Variants in SIPA1L1 observed in about 807,000 individuals in gnomAD.
The protein encoded by SIPA1L1 is signal-induced proliferation-associated 1-like protein 1.
SIPA1L1 carries 26 observed loss-of-function variants against 162.7 expected under a neutral mutation model. That is an observed-to-expected ratio of 0.16 (90% CI 0.12 to 0.22). The LOEUF (loss-of-function observed/expected upper bound fraction) is 0.22, where lower values mean the gene tolerates loss of function less well. Ranked by LOEUF, SIPA1L1 falls within the 10% of genes least tolerant of loss-of-function variation. The pLI is 1.00. For missense variants in SIPA1L1, 1,874 were observed against 2,241.0 expected, an observed-to-expected ratio of 0.84 and a Z score of 3.31; for synonymous variants, 829 against 837.4, an observed-to-expected ratio of 0.99 and a Z score of 0.17.
At chr14:71,604,699 C>T (rs776467787) in intron 5 of SIPA1L1, among the ~76,000 whole-genome samples, 50 of 151,208 alleles carry the variant, frequency 3.3e-4, no homozygotes, top group Non-Finnish European at 6.6e-4. Flanking sequence ...CTTTTTTTTC[C>T]CCAGCACTTC....
intron 4 of SIPA1L1, among the ~76,000 whole-genome samples, chr14:71,543,952 C>G (rs182325250): frequency 2.0e-4 from 29 of 146,684 alleles, no homozygotes; most frequent in African/African-American, 7.3e-4. Flanking sequence ...TATACATATA[C>G]GCACATGTAT....
At chr14:71,576,483 A>G (rs1029570) in intron 4 of SIPA1L1, 127,122 of 152,242 alleles carry the variant, frequency 0.83, 53,681 homozygotes, top group African/African-American at 0.95. Flanking sequence ...GAGTAGGGGA[A>G]TGAGGAAATC....
intron 4 of SIPA1L1, among the ~76,000 whole-genome samples, chr14:71,544,230 T>G (rs940841120): frequency 6.7e-6 from 1 of 149,862 alleles, no homozygotes. Flanking sequence ...TATACATATA[T>G]CATGTATGTA....
At chr14:71,585,182 A>AG (rs989626202) in intron 4 of SIPA1L1, among the ~76,000 whole-genome samples, 10 of 151,654 alleles carry the variant, frequency 6.6e-5, no homozygotes, top group African/African-American at 2.2e-4. Flanking sequence ...AATGAGAGGG[A>AG]GAAAAAAAAA....
chr14:71,371,426 C>T (rs1337421522), intron 2 of SIPA1L1, among the ~76,000 whole-genome samples: 3 of 152,130 alleles, frequency 2.0e-5, no homozygotes, highest in Admixed American at 6.5e-5. Context: ...CTTGCTTTGT[C>T]ACCTAGGCTG....
chr14:71,677,949 C>T (rs1370954922), intron 12 of SIPA1L1, among the ~76,000 whole-genome samples: 1 of 152,138 alleles, frequency 6.6e-6, no homozygotes, highest in African/African-American at 2.4e-5. Flanking sequence ...ATTGTCTTGG[C>T]AATGTGGGCT....
rs2082709777 is a variant in SIPA1L1, at chr14:71,709,474, C to T, written c.4018C>T (p.Pro1340Ser). Reference protein sequence around the residue: ...RSGPGKEKVAPLWHSSSEVIS... With the variant: ...RSGPGKEKVASLWHSSSEVIS... ...AGGGCCAGGCAAGGAGAAAGTGGCA[C>T]CCCTATGGCACAGCTCCAGTGAAGT... Residue 1340 changes from proline to serine, a missense_variant, in exon 17 of 24, where the codon CCC (proline) becomes TCC (serine). Physicochemically the swap from Pro to Ser is moderately conservative, Grantham distance 74 (BLOSUM62 -1). Around this residue, in one of 5 missense-constraint regions of SIPA1L1, gnomAD observed 936 missense variants for 1,051.9 expected, o/e 0.89. Coordinates refer to ENST00000381232, the MANE Select transcript of SIPA1L1 (RefSeq NM_001386936.1). 6.2e-6 allele frequency: 10 copies of T among 1,614,212 alleles called. No homozygotes were observed. The highest frequency in any genetic ancestry group is 8.5e-6 in the Non-Finnish European group (10 of 1,180,038).
At chr14:71,492,784 C>A (rs2049391749) in intron 2 of SIPA1L1, among the ~76,000 whole-genome samples, 1 of 149,500 alleles carries the variant, frequency 6.7e-6, no homozygotes. Flanking sequence ...CCATGCCTGG[C>A]TAGATTTTTT....
intron 7 of SIPA1L1, among the ~76,000 whole-genome samples, chr14:71,626,778 T>C (rs2040036020): frequency 6.6e-6 from 1 of 152,162 alleles, no homozygotes; most frequent in South Asian, 2.1e-4. Flanking sequence ...TTTTAATATA[T>C]TTTATGTTTT....
At chr14:71,634,251 A>C (rs2040887009) in intron 7 of SIPA1L1, among the ~76,000 whole-genome samples, 2 of 151,820 alleles carry the variant, frequency 1.3e-5, no homozygotes, top group Non-Finnish European at 2.9e-5. Flanking sequence ...AAATACAAAA[A>C]ATCAGCTGGG....
Position 71,377,168 on chromosome 14 carries a change from C to G in SIPA1L1, c.-465+55987C>G, listed in dbSNP as rs1312620032. ...GCGGCCAGGCAGAGGCAGCCCCCAC[C>G]TCCCAGATGGGGCGGCGGCCGGGTG... On this transcript the variant is annotated intron_variant, in intron 2 of 23. Coordinates refer to ENST00000381232, the MANE Select transcript of SIPA1L1 (RefSeq NM_001386936.1). This position sits in a 1 kb window ranked among gnomAD's most constrained non-coding sequence, Gnocchi z 4.8. Among the ~76,000 whole-genome samples the G allele has an allele frequency of 6.7e-6, 1 of 149,618 alleles. No homozygotes were observed. The highest frequency in any genetic ancestry group is 2.1e-4 in the South Asian group (1 of 4,698).
chr14:71,617,037 T>C (rs2038919470), intron 5 of SIPA1L1, among the ~76,000 whole-genome samples: 1 of 152,180 alleles, frequency 6.6e-6, no homozygotes, highest in Admixed American at 6.5e-5. Context: ...CATCTACTGT[T>C]GATCTGTGCT....
chr14:71,339,035 T>C (rs2035377702), intron 2 of SIPA1L1, among the ~76,000 whole-genome samples: 1 of 152,092 alleles, frequency 6.6e-6, no homozygotes, highest in South Asian at 2.1e-4. Context: ...CCACTGTGCA[T>C]GGCCAGATTA....
chr14:71,320,709 C>G (rs937271302), intron 1 of SIPA1L1, among the ~76,000 whole-genome samples: 3 of 150,876 alleles, frequency 2.0e-5, no homozygotes, highest in Admixed American at 1.3e-4. Flanking sequence ...CTCATCCCCC[C>G]CCCGGCAACC....
Position 71,588,316 on chromosome 14 carries a change from C to A in SIPA1L1, c.444C>A (p.Asn148Lys), listed in dbSNP as rs1219631166. The change falls in exon 5 of 24, where the codon AAC (asparagine) becomes AAA (lysine). Residue 148 changes from asparagine to lysine, a missense_variant. Asn to Lys is a moderately conservative substitution (Grantham distance 94). This residue lies in a region of SIPA1L1 where 685 missense variants were observed against 828.0 expected (regional missense o/e 0.83). Coordinates refer to ENST00000381232, the MANE Select transcript of SIPA1L1 (RefSeq NM_001386936.1). This position sits in a 1 kb window ranked among gnomAD's most constrained non-coding sequence, Gnocchi z 4.3. ...AAAACAAGACAAGACCGTCGGAGAA[C>A]ATGGACTCCAGATTTCTCATGCCTG... ...TLKNKTRPSE[N>K]MDSRFLMPEA... The A allele has an allele frequency of 1.2e-6, 2 of 1,613,788 alleles. No homozygotes were observed. The highest frequency in any genetic ancestry group is 3.3e-5 in the Admixed American group (2 of 60,020).
chr14:71,487,379 A>C (rs2048856336), intron 2 of SIPA1L1, among the ~76,000 whole-genome samples: 1 of 151,962 alleles, frequency 6.6e-6, no homozygotes, highest in African/African-American at 2.4e-5. Context: ...TCCTGTAAAT[A>C]CTCCAAACAG....
intron 2 of SIPA1L1, among the ~76,000 whole-genome samples, chr14:71,502,456 G>C (rs1444975615): frequency 6.6e-6 from 1 of 151,048 alleles, no homozygotes; most frequent in Non-Finnish European, 1.5e-5. Context: ...TCACTATGTT[G>C]GCCAGGCTGG....
intron 8 of SIPA1L1, among the ~76,000 whole-genome samples, chr14:71,651,089 A>G (rs1458972227): frequency 6.6e-6 from 1 of 152,194 alleles, no homozygotes; most frequent in African/African-American, 2.4e-5. Context: ...CAATCTGTTT[A>G]ACTATGGTGC....
At chr14:71,384,474 G>A (rs1045660252) in intron 2 of SIPA1L1, among the ~76,000 whole-genome samples, 11 of 152,162 alleles carry the variant, frequency 7.2e-5, no homozygotes, top group African/African-American at 1.7e-4. Flanking sequence ...AACATGAAAC[G>A]ACACCGCCGC....
Sources: gnomAD v4.1 joint callset for allele counts (sites outside exome capture counted in the v4.1 genomes callset) on GRCh38, gnomAD v4.1.1 for gene constraint, gnomAD v4.1.1 regional missense constraint, Gnocchi (gnomAD v3.1) non-coding constraint, MANE v1.5 for transcripts, NCBI Gene and HGNC (gene_info 2026-07-23, HGNC 2026-07-21) for gene names.